Variants in DLGAP2 observed in about 807,000 individuals in gnomAD.
The protein encoded by DLGAP2 is disks large-associated protein 2.
A neutral mutation model predicts 100.3 loss-of-function variants in DLGAP2; 26 were observed. That is an observed-to-expected ratio of 0.26 (90% CI 0.19 to 0.36). The LOEUF is 0.36. DLGAP2 is among the 10% of genes least tolerant of loss of function. The probability of loss-of-function intolerance (pLI) is 1.00; values close to 1 mark genes in which losing one functional copy is unlikely to be tolerated. For missense variants in DLGAP2, 1,858 were observed against 1,453.2 expected (o/e 1.28, Z -4.53); for synonymous variants, 886 against 630.1 (o/e 1.41, Z -6.08).
intron 3 of DLGAP2, among the ~76,000 whole-genome samples, chr8:1,377,410 G>A (rs1359638056): frequency 6.6e-6 from 1 of 152,236 alleles, no homozygotes; most frequent in Non-Finnish European, 1.5e-5. Context: ...CAGGCGAGGT[G>A]GCAGGCGCCT....
intron 3 of DLGAP2, among the ~76,000 whole-genome samples, chr8:1,276,457 A>AG (rs1311126729): frequency 6.6e-6 from 1 of 151,980 alleles, no homozygotes; most frequent in Non-Finnish European, 1.5e-5. Context: ...GGGAAGGGTG[A>AG]GGGGGGACGG....
rs549744288 is a variant in DLGAP2, at chr8:1,540,110, C to T, written c.173-8516C>T. 1.3e-4 allele frequency among the ~76,000 whole-genome samples: 20 copies of T among 152,296 alleles called. 1 individual carries two copies. The highest frequency in any genetic ancestry group is 1.0e-3 in the Admixed American group (16 of 15,302). ...ACAGGCACCAACTCAGAGCTGTGGA[C>T]GCACCGTGCCTGGAACCCTCCACCC... On this transcript the variant is annotated intron_variant, in intron 4 of 14. Coordinates refer to ENST00000637795, the MANE Select transcript of DLGAP2 (RefSeq NM_001346810.2).
At chr8:1,511,249 C>T (rs577434820) in intron 4 of DLGAP2, among the ~76,000 whole-genome samples, 8 of 150,370 alleles carry the variant, frequency 5.3e-5, no homozygotes, top group African/African-American at 1.7e-4. Context: ...CTTCCATGGA[C>T]GTAAGGGCTG....
At chr8:1,582,514 AG>A (rs929867206) in intron 6 of DLGAP2, among the ~76,000 whole-genome samples, 6 of 150,370 alleles carry the variant, frequency 4.0e-5, no homozygotes, top group African/African-American at 1.5e-4. Flanking sequence ...AGTCATCCTT[AG>A]GAAAAAAAAA....
At chr8:1,072,227 G>C (rs1268391985) in intron 2 of DLGAP2, among the ~76,000 whole-genome samples, 2 of 152,150 alleles carry the variant, frequency 1.3e-5, no homozygotes, top group Non-Finnish European at 2.9e-5. Context: ...GGAGCCTCCT[G>C]ATTGATGGTG....
chr8:951,284 T>C (rs1799472991), intron 2 of DLGAP2, among the ~76,000 whole-genome samples: 1 of 152,210 alleles, frequency 6.6e-6, no homozygotes, highest in Non-Finnish European at 1.5e-5. Context: ...TGTATTCTGT[T>C]GCCCTGGCTG....
intron 3 of DLGAP2, among the ~76,000 whole-genome samples, chr8:1,365,512 C>A (rs541342770): frequency 1.3e-5 from 2 of 152,278 alleles, no homozygotes; most frequent in South Asian, 4.1e-4. Flanking sequence ...CCTCCCAGGT[C>A]CAGGATGGCA....
intron 2 of DLGAP2, among the ~76,000 whole-genome samples, chr8:1,108,733 G>A (rs1354205554): frequency 1.0e-4 from 15 of 143,784 alleles, no homozygotes; most frequent in African/African-American, 3.4e-4. Context: ...ATGTGTGCAC[G>A]TGCCTATGAA....
chr8:903,901 C>G (rs926423106), intron 1 of DLGAP2, among the ~76,000 whole-genome samples: 5 of 152,238 alleles, frequency 3.3e-5, no homozygotes, highest in Non-Finnish European at 7.3e-5. Flanking sequence ...AGCTCAGACT[C>G]ACATTCGTCA....
intron 4 of DLGAP2, among the ~76,000 whole-genome samples, chr8:1,505,884 G>A (rs1799894891): frequency 6.6e-6 from 1 of 152,118 alleles, no homozygotes; most frequent in Non-Finnish European, 1.5e-5. Context: ...CATCTATGAA[G>A]AGTGCTATAT....
chr8:1,350,578 C>T (rs111849451), intron 3 of DLGAP2, among the ~76,000 whole-genome samples: 1 of 37,124 alleles, frequency 2.7e-5, no homozygotes, highest in Admixed American at 3.5e-4. Flanking sequence ...AAAGGCCGCG[C>T]GGGTCCTGAC....
chr8:1,013,273 A>G (rs1387843870), intron 2 of DLGAP2, among the ~76,000 whole-genome samples: 2 of 152,126 alleles, frequency 1.3e-5, no homozygotes, highest in African/African-American at 4.8e-5. Context: ...AGTGCCCACC[A>G]TGTACTGCCC....
intron 8 of DLGAP2, among the ~76,000 whole-genome samples, chr8:1,652,300 C>T (rs1242615691): frequency 6.6e-6 from 1 of 152,106 alleles, no homozygotes; most frequent in Admixed American, 6.5e-5. Context: ...TTTAGTAATC[C>T]ATTCCATTCA....
intron 13 of DLGAP2, 111 bp downstream of exon 13, chr8:1,691,737 A>G (rs1585068937): frequency 1.0e-6 from 1 of 957,142 alleles, no homozygotes; most frequent in Non-Finnish European, 1.6e-6. Flanking sequence ...GGTATGCGGA[A>G]TATCACGTGC....
chr8:1,168,251 G>T (rs62487554), intron 2 of DLGAP2, among the ~76,000 whole-genome samples: 128 of 152,016 alleles, frequency 8.4e-4, no homozygotes, highest in African/African-American at 2.6e-3. Flanking sequence ...ATGGTGTATA[G>T]GTGCCACATT....
At chr8:751,947 T>C (rs1227571858) in intron 1 of DLGAP2, among the ~76,000 whole-genome samples, 5 of 152,228 alleles carry the variant, frequency 3.3e-5, no homozygotes, top group African/African-American at 1.2e-4. Flanking sequence ...TTATAGTAAG[T>C]CCTTATAGGA....
intron 1 of DLGAP2, among the ~76,000 whole-genome samples, chr8:847,873 T>C (rs1797099920): frequency 6.6e-6 from 1 of 152,120 alleles, no homozygotes; most frequent in South Asian, 2.1e-4. Context: ...ATTATTTTTT[T>C]CCCCTTTACT....
At position 1,643,996 on chromosome 8, in the gene DLGAP2, CT is replaced by C. The variant is rs1180159301; in HGVS notation, c.1810+10951del. On this transcript the variant is annotated intron_variant, in intron 8 of 14. Transcript: ENST00000637795. ...TGTGTCACCCTCGACCCCGCCGGTC[CT>C]CACCTGTGTCACCCTCGACCCCGCC... Among the ~76,000 whole-genome samples the C allele has an allele frequency of 6.6e-5, 5 of 75,770 alleles. 1 individual carries two copies. The highest frequency in any genetic ancestry group is 3.7e-4 in the African/African-American group (5 of 13,610). The allele number at this position is 75,770 out of a possible 152,430, so 49.7% of individuals were successfully genotyped here.
At chr8:1,315,148 G>A (rs1002012512) in intron 3 of DLGAP2, among the ~76,000 whole-genome samples, 2 of 152,232 alleles carry the variant, frequency 1.3e-5, no homozygotes, top group African/African-American at 4.8e-5. Context: ...AAAGCTTCCT[G>A]GAGAAAGTCA....
Sources: allele counts gnomAD v4.1 joint callset (sites outside exome capture counted in the v4.1 genomes callset), GRCh38; gene constraint gnomAD v4.1.1; transcripts MANE v1.5; gene names NCBI Gene and HGNC (gene_info 2026-07-23, HGNC 2026-07-21).